Variants in NRXN3 observed in about 807,000 individuals in gnomAD.
NRXN3 encodes neurexin III.
In NRXN3, 32 loss-of-function variants were observed where a neutral mutation model predicts 137.6. That is an observed-to-expected ratio of 0.23 (90% confidence interval 0.18 to 0.31). The LOEUF is 0.31. NRXN3 is among the 10% of genes least tolerant of loss of function. NRXN3 has a pLI of 1.00. For missense variants in NRXN3, 1,574 were observed against 2,062.5 expected, an observed-to-expected ratio of 0.76 and a Z score of 4.59; for synonymous variants, 798 against 784.5, an observed-to-expected ratio of 1.02 and a Z score of -0.29.
chr14:78,473,273 GC>G (rs1011005479), intron 4 of NRXN3, among the ~76,000 whole-genome samples: 23 of 151,890 alleles, frequency 1.5e-4, no homozygotes, highest in African/African-American at 5.6e-4. Flanking sequence ...GTGGTGGCGG[GC>G]TCCTGTAGTC....
At chr14:79,226,044 C>G (rs770823765) in intron 15 of NRXN3, among the ~76,000 whole-genome samples, 1 of 152,084 alleles carries the variant, frequency 6.6e-6, no homozygotes, top group Non-Finnish European at 1.5e-5. Context: ...CCACCTGCAA[C>G]CTAATTCCCT....
Position 79,107,239 on chromosome 14 carries a change from G to A in NRXN3, c.3262+119098G>A, listed in dbSNP as rs1014558215. On this transcript the variant is annotated intron_variant, in intron 15 of 20. Transcript: ENST00000335750. ...AGGGTACTCAGGACTTGAGAGAGTA[G>A]AGAGCAGACACACCTACTTCCTAAA... Among the ~76,000 whole-genome samples, 5 of 152,136 alleles carry A rather than the reference G, an allele frequency of 3.3e-5. No homozygotes were observed. In the East Asian group the frequency reaches 9.6e-4, roughly 29 times the overall value.
chr14:79,011,365 G>GA (rs1567980502), intron 15 of NRXN3, among the ~76,000 whole-genome samples: 1 of 22,708 alleles, frequency 4.4e-5, no homozygotes, highest in African/African-American at 2.3e-4. Flanking sequence ...GGATTTCCCC[G>GA]CCCCCCCACC....
At chr14:78,449,597 G>A (rs191189704) in intron 4 of NRXN3, among the ~76,000 whole-genome samples, 12 of 152,246 alleles carry the variant, frequency 7.9e-5, no homozygotes, top group South Asian at 2.1e-4. Flanking sequence ...TTATTAGAGC[G>A]TTCACGTTTA....
At chr14:79,724,865 C>T (rs1053942441) in intron 19 of NRXN3, among the ~76,000 whole-genome samples, 1 of 151,942 alleles carries the variant, frequency 6.6e-6, no homozygotes, top group Non-Finnish European at 1.5e-5. Context: ...ATATGTACCA[C>T]CATTGAGTGG....
At chr14:79,661,224 G>T (rs1479334225) in intron 16 of NRXN3, among the ~76,000 whole-genome samples, 1 of 152,096 alleles carries the variant, frequency 6.6e-6, no homozygotes, top group African/African-American at 2.4e-5. Context: ...AGTGTGTTTA[G>T]TCACAATTTT....
intron 16 of NRXN3, among the ~76,000 whole-genome samples, chr14:79,580,062 G>A (rs746867861): frequency 6.6e-6 from 1 of 152,102 alleles, no homozygotes; most frequent in Non-Finnish European, 1.5e-5. Context: ...TCTGGGTCTT[G>A]CCTATTTCAT....
chr14:78,175,377 T>C (rs1450551982), intron 1 of NRXN3, among the ~76,000 whole-genome samples: 2 of 152,090 alleles, frequency 1.3e-5, no homozygotes, highest in Non-Finnish European at 2.9e-5. Flanking sequence ...AAGAGATTGT[T>C]CTTGGTATCC....
At chr14:78,237,690 T>C (rs186089206) in intron 1 of NRXN3, among the ~76,000 whole-genome samples, 3 of 152,312 alleles carry the variant, frequency 2.0e-5, no homozygotes, top group Admixed American at 1.3e-4. Flanking sequence ...CCCAGTTGAC[T>C]AAACTGGATC....
intron 15 of NRXN3, among the ~76,000 whole-genome samples, chr14:79,417,398 C>T (rs2095512249): frequency 6.6e-6 from 1 of 152,058 alleles, no homozygotes; most frequent in African/African-American, 2.4e-5. Flanking sequence ...GCTTTAAGAA[C>T]CTGGTTATTA....
intron 6 of NRXN3, among the ~76,000 whole-genome samples, chr14:78,693,671 G>C (rs2098196262): frequency 1.7e-5 from 2 of 118,968 alleles, no homozygotes; most frequent in South Asian, 4.8e-4. Context: ...GTGTGTGTGT[G>C]TGTGTGTGTG....
At chr14:79,614,030 C>A (rs146243484) in intron 16 of NRXN3, among the ~76,000 whole-genome samples, 1 of 152,184 alleles carries the variant, frequency 6.6e-6, no homozygotes, top group Admixed American at 6.5e-5. Context: ...AATAACAATT[C>A]ATGTCCAATT....
intron 10 of NRXN3, among the ~76,000 whole-genome samples, chr14:78,844,545 C>T (rs988726287): frequency 6.6e-5 from 10 of 152,128 alleles, no homozygotes; most frequent in East Asian, 5.8e-4. Flanking sequence ...AGAATAATAA[C>T]GCCTAATTTA....
chr14:79,009,860 A>G (rs1206970471), intron 15 of NRXN3, among the ~76,000 whole-genome samples: 1 of 152,226 alleles, frequency 6.6e-6, no homozygotes, highest in African/African-American at 2.4e-5. Context: ...GCCTTGGAGT[A>G]AAATAAAGGC....
In NRXN3 at chr14:79,584,533, G is replaced by A. The variant is rs17109511; in HGVS notation, c.3445-79245G>A. Among the ~76,000 whole-genome samples the A allele has an allele frequency of 6.8e-3, 1,041 of 152,268 alleles. 9 individuals carry two copies. Among genetic ancestry groups the A allele is most frequent in the African/African-American group, 0.023 (951 of 41,550 alleles). On this transcript the variant is annotated intron_variant, in intron 16 of 20. Coordinates refer to ENST00000335750, the MANE Select transcript of NRXN3 (RefSeq NM_001330195.2). Reference sequence around the variant, plus strand: ...TGGAGAAAGGTTAGAGAATGCAGGCGGAAGTTGATGGCAGCAATTTGACTT... The same window carrying A: ...TGGAGAAAGGTTAGAGAATGCAGGCAGAAGTTGATGGCAGCAATTTGACTT...
rs57745190 is a variant in NRXN3 at position 78,613,578 on chromosome 14, GTTTTTTTT to G, written c.758-31524_758-31517del. ...AGGAGAAAACTGTCTCACAACCATA[GTTTTTTTT>G]TTTTTTTTTTTTTTTTTCCCTTGGA... On this transcript the variant is annotated intron_variant, in intron 4 of 20. Coordinates refer to ENST00000335750, the MANE Select transcript of NRXN3 (RefSeq NM_001330195.2). Among the ~76,000 whole-genome samples, 160 of 95,112 alleles carry G rather than the reference GTTTTTTTT, an allele frequency of 1.7e-3. 1 individual carries two copies. Among genetic ancestry groups the G allele is most frequent in the African/African-American group, 6.9e-3 (150 of 21,714 alleles). 62.4% of individuals were successfully genotyped at this position (95,112 alleles called of 152,430 possible). A position where few individuals can be genotyped will look rare whatever the true frequency, so the allele number is the denominator to read the frequency against.
chr14:78,382,402 G>A (rs1188165551), intron 4 of NRXN3, among the ~76,000 whole-genome samples: 6 of 152,154 alleles, frequency 3.9e-5, no homozygotes, highest in Admixed American at 3.9e-4. Flanking sequence ...TGTTAGTGAT[G>A]CATTCTGTGT....
chr14:78,445,713 G>C (rs1216533162), intron 4 of NRXN3, among the ~76,000 whole-genome samples: 2 of 152,146 alleles, frequency 1.3e-5, no homozygotes, highest in Non-Finnish European at 2.9e-5. Context: ...TGTGATAGTT[G>C]AAAAAATGAA....
chr14:78,985,455 A>C (rs181161810), intron 14 of NRXN3, among the ~76,000 whole-genome samples: 1 of 152,244 alleles, frequency 6.6e-6, no homozygotes, highest in East Asian at 1.9e-4. Context: ...AATAATTGCT[A>C]TGGCCACAAC....
Sources: gnomAD v4.1 joint callset for allele counts (sites outside exome capture counted in the v4.1 genomes callset) on GRCh38, gnomAD v4.1.1 for gene constraint, MANE v1.5 for transcripts, NCBI Gene and HGNC (gene_info 2026-07-23, HGNC 2026-07-21) for gene names.